BLTP2: variants seen among roughly 807,000 people sequenced by gnomAD.
BLTP2 encodes the protein bridge-like lipid transfer protein family member 2.
chr17:28,643,213 T>C, the BLTP2 span: 1 of 1,614,166 alleles, frequency 6.2e-7, no homozygotes, highest in Non-Finnish European at 8.5e-7. Context: ...TTCCTTTTGA[T>C]CCACCCCAGC....
At chr17:28,628,303 G>A in the BLTP2 span, 6 of 1,614,006 alleles carry the variant, frequency 3.7e-6, no homozygotes, top group Non-Finnish European at 4.2e-6. Context: ...ACTGAAGCTG[G>A]GAGTGTTAAC....
chr17:28,617,257 T>A, the BLTP2 span: 1 of 1,610,060 alleles, frequency 6.2e-7, no homozygotes, highest in Admixed American at 1.7e-5. Flanking sequence ...GGGGAGGAGG[T>A]TGTTCATGGT....
the BLTP2 span, among the ~76,000 whole-genome samples, chr17:28,625,334 CAAAA>C: frequency 2.3e-3 from 67 of 29,056 alleles, no homozygotes; most frequent in African/African-American, 6.9e-3. Flanking sequence ...GACTCCGTCT[CAAAA>C]AAAAAAAAAA....
chr17:28,639,618 C>T, the BLTP2 span: 9 of 1,613,956 alleles, frequency 5.6e-6, no homozygotes, highest in East Asian at 2.2e-5. Context: ...AATGCGTTGG[C>T]GACTCTGGGA....
the BLTP2 span, among the ~76,000 whole-genome samples, chr17:28,629,750 A>G: frequency 6.6e-6 from 1 of 152,162 alleles, no homozygotes; most frequent in Non-Finnish European, 1.5e-5. Context: ...AAGTGCTGGG[A>G]TTACAGTCGT....
At chr17:28,624,053 T>C in the BLTP2 span, 146 of 1,423,564 alleles carry the variant, frequency 1.0e-4, no homozygotes, top group African/African-American at 1.6e-3. Context: ...CTAGGTCTAA[T>C]GCTGGCTTAC....
chr17:28,615,250 G>A, the BLTP2 span: 1 of 1,600,318 alleles, frequency 6.2e-7, no homozygotes, highest in African/African-American at 1.3e-5. Context: ...TGATTACCTG[G>A]CAGATTGGAG....
the BLTP2 span, among the ~76,000 whole-genome samples, chr17:28,625,520 G>A: frequency 2.0e-5 from 3 of 151,852 alleles, no homozygotes; most frequent in African/African-American, 2.4e-5. Context: ...TACTAGTGAC[G>A]CAAATTCAGC....
chr17:28,619,486 T>A, the BLTP2 span, among the ~76,000 whole-genome samples: 1 of 151,310 alleles, frequency 6.6e-6, no homozygotes, highest in Non-Finnish European at 1.5e-5. Context: ...AAAAAAGTGA[T>A]CCTTCCCAAC....
the BLTP2 span, chr17:28,642,960 T>C: frequency 1.9e-6 from 3 of 1,605,462 alleles, no homozygotes; most frequent in Non-Finnish European, 2.6e-6. Context: ...ACCATGATGT[T>C]TATAGCATCT....
chr17:28,641,468 C>T, the BLTP2 span, among the ~76,000 whole-genome samples: 1 of 151,830 alleles, frequency 6.6e-6, no homozygotes, highest in Non-Finnish European at 1.5e-5. Flanking sequence ...GGCGAAATCC[C>T]GTCTCTACTA....
At chr17:28,618,924 C>CGCA in the BLTP2 span, 1 of 1,614,106 alleles carries the variant, frequency 6.2e-7, no homozygotes. Flanking sequence ...TTGCTGCTTT[C>CGCA]GCAGCTCCAT....
At chr17:28,640,782 G>A in the BLTP2 span, 1 of 1,185,358 alleles carries the variant, frequency 8.4e-7, no homozygotes, top group African/African-American at 1.5e-5. Context: ...CCCACATAAA[G>A]TAGGCTAAGC....
chr17:28,620,388 T>C, the BLTP2 span: 2 of 1,161,138 alleles, frequency 1.7e-6, no homozygotes, highest in South Asian at 2.9e-5. Flanking sequence ...TAAGAGAATC[T>C]ACCAACCACA....
chr17:28,624,179 A>G, the BLTP2 span: 1 of 1,571,176 alleles, frequency 6.4e-7, no homozygotes. Context: ...GGGAAGGGGA[A>G]CAATATGATC....
At chr17:28,616,599 C>G in the BLTP2 span, 1 of 1,614,054 alleles carries the variant, frequency 6.2e-7, no homozygotes, top group Non-Finnish European at 8.5e-7. This position sits in a 1 kb window ranked among gnomAD's most constrained non-coding sequence, Gnocchi z 4.8. Flanking sequence ...TTCTGGGGCT[C>G]CACCATAAAA....
chr17:28,618,798 T>C, the BLTP2 span: 1 of 1,613,240 alleles, frequency 6.2e-7, no homozygotes. Flanking sequence ...TACCTTGCTG[T>C]AGAGGAACCT....
At chr17:28,638,602 A>T in the BLTP2 span, 2 of 1,613,542 alleles carry the variant, frequency 1.2e-6, no homozygotes, top group Non-Finnish European at 1.7e-6. Flanking sequence ...TTGGAGATGG[A>T]GGTGCTAAAG....
At chr17:28,636,930 A>G in the BLTP2 span, 1 of 1,583,858 alleles carries the variant, frequency 6.3e-7, no homozygotes, top group Non-Finnish European at 8.7e-7. Flanking sequence ...TGAGGAAAAA[A>G]CCAGCCTGGC....
Sources: gnomAD v4.1 joint callset for allele counts (sites outside exome capture counted in the v4.1 genomes callset) on GRCh38, gnomAD v4.1.1 for gene constraint, Gnocchi (gnomAD v3.1) non-coding constraint, MANE v1.5 for transcripts, NCBI Gene and HGNC (gene_info 2026-07-23, HGNC 2026-07-21) for gene names.